TRDN: variants seen among roughly 807,000 people sequenced by gnomAD.
TRDN encodes triadin in skeletal muscle.
TRDN carries 161 observed loss-of-function variants against 149.7 expected under a neutral mutation model. The ratio of observed to expected loss-of-function variants is 1.08; its 90% CI spans 0.95 to 1.23. The LOEUF (loss-of-function observed/expected upper bound fraction) is 1.23. Ranked by LOEUF, TRDN falls within the 50% of genes most tolerant of loss-of-function variation. The pLI, the probability that TRDN is intolerant of heterozygous loss-of-function variation, is 0.00. For missense variants in TRDN, 896 were observed against 823.5 expected (o/e 1.09, Z -1.08); for synonymous variants, 294 against 250.5 (o/e 1.17, Z -1.64).
chr6:123,605,597 C>CA lies in TRDN; in HGVS notation c.22+31156dup, dbSNP rs35881822. Among the ~76,000 whole-genome samples the CA allele has an allele frequency of 8.1e-3, 1,009 of 123,964 alleles. 9 individuals carry two copies. Among genetic ancestry groups the CA allele is most frequent in the Non-Finnish European group, 9.9e-3 (570 of 57,576 alleles). 81.3% of individuals were successfully genotyped at this position (123,964 alleles called of 152,430 possible). A position where few individuals can be genotyped will look rare whatever the true frequency, so the allele number is the denominator to read the frequency against. On this transcript the variant is annotated intron_variant, in intron 1 of 40. Transcript: ENST00000334268. ...GGGCAATATGGCGAAACCCTCTCTA[C>CA]AAAAAAAAAAAAAAAATATTAGCCA...
At chr6:123,224,159 A>T (rs1775268956) in intron 38 of TRDN, 28 bp from the exon 39 acceptor site, 4 of 1,603,470 alleles carry the variant, frequency 2.5e-6, no homozygotes, top group African/African-American at 2.7e-5. Context: ...GGCACATAGA[A>T]TCACAGTCAA....
chr6:123,541,789 T>C (rs1291069995), intron 4 of TRDN, among the ~76,000 whole-genome samples: 1 of 152,140 alleles, frequency 6.6e-6, no homozygotes, highest in Non-Finnish European at 1.5e-5. Flanking sequence ...TCTCCTTCCT[T>C]TTTTCATGCA....
chr6:123,517,978 C>T (rs1779493034), intron 5 of TRDN, among the ~76,000 whole-genome samples: 1 of 152,068 alleles, frequency 6.6e-6, no homozygotes, highest in Non-Finnish European at 1.5e-5. Flanking sequence ...CACAAGGTCT[C>T]AGTCACATAG....
intron 24 of TRDN, among the ~76,000 whole-genome samples, chr6:123,306,268 C>A (rs762194517): frequency 6.6e-6 from 1 of 152,062 alleles, no homozygotes; most frequent in African/African-American, 2.4e-5. Flanking sequence ...TAAATGTGGC[C>A]TAAGTCTCTG....
intron 20 of TRDN, among the ~76,000 whole-genome samples, chr6:123,354,130 A>G (rs1434653769): frequency 6.6e-6 from 1 of 151,814 alleles, no homozygotes; most frequent in Non-Finnish European, 1.5e-5. Flanking sequence ...TTAGCCTGAA[A>G]TTATCAAATT....
chr6:123,487,207 G>A (rs937252041), intron 9 of TRDN, among the ~76,000 whole-genome samples: 1 of 151,878 alleles, frequency 6.6e-6, no homozygotes, highest in Non-Finnish European at 1.5e-5. Context: ...CTCCATTTCA[G>A]GTTATAAACA....
intron 27 of TRDN, 83 bp downstream of exon 27, chr6:123,274,558 A>G (rs1288649649): frequency 5.7e-6 from 7 of 1,234,690 alleles, no homozygotes; most frequent in Non-Finnish European, 5.7e-6. Flanking sequence ...ATGTCTCCCT[A>G]GTGAGATGTA....
At chr6:123,295,972 A>C (rs900253640) in intron 24 of TRDN, among the ~76,000 whole-genome samples, 5 of 149,030 alleles carry the variant, frequency 3.4e-5, no homozygotes, top group African/African-American at 1.2e-4. Context: ...CTCAAACAGA[A>C]AAAAAAAAAA....
At chr6:123,327,010 T>C (rs2114718652) in intron 23 of TRDN, among the ~76,000 whole-genome samples, 1 of 152,232 alleles carries the variant, frequency 6.6e-6, no homozygotes, top group African/African-American at 2.4e-5. Context: ...TATATTCTTC[T>C]CTATTTTCCT....
At chr6:123,571,487 ATGTTTTGTTTGTTTGTT>A (rs1782574920) in intron 1 of TRDN, among the ~76,000 whole-genome samples, 1 of 144,046 alleles carries the variant, frequency 6.9e-6, no homozygotes, top group African/African-American at 2.8e-5. Flanking sequence ...GAGGTCATTC[ATGTTTTGTTTGTTTGTT>A]TGTTTGTTTG....
At chr6:123,544,351 C>T (rs1250923635) in intron 4 of TRDN, among the ~76,000 whole-genome samples, 4 of 150,800 alleles carry the variant, frequency 2.7e-5, no homozygotes, top group Admixed American at 1.3e-4. Flanking sequence ...ACGTTGAATA[C>T]CACAAAGAAC....
intron 1 of TRDN, among the ~76,000 whole-genome samples, chr6:123,574,819 A>G (rs1782748085): frequency 6.8e-6 from 1 of 146,240 alleles, no homozygotes. Context: ...CATTGTAAAA[A>G]GGCTAAACAT....
chr6:123,560,203 C>A (rs1455529097), intron 2 of TRDN, among the ~76,000 whole-genome samples: 2 of 152,140 alleles, frequency 1.3e-5, no homozygotes, highest in African/African-American at 2.4e-5. Context: ...GTTCTCATAA[C>A]TTCCAAAATC....
intron 9 of TRDN, among the ~76,000 whole-genome samples, chr6:123,489,908 A>C (rs192957300): frequency 1.1e-3 from 164 of 152,170 alleles, no homozygotes; most frequent in African/African-American, 3.6e-3. Context: ...CCATTTTTAC[A>C]GCCTACTTTG....
At chr6:123,325,820 G>A (rs976960896) in intron 23 of TRDN, among the ~76,000 whole-genome samples, 12 of 152,038 alleles carry the variant, frequency 7.9e-5, no homozygotes, top group African/African-American at 2.9e-4. Context: ...AAGTCTCTGA[G>A]ACCAACTGTC....
chr6:123,279,480 T>C (rs546744466), intron 24 of TRDN, among the ~76,000 whole-genome samples: 20 of 152,236 alleles, frequency 1.3e-4, no homozygotes, highest in South Asian at 1.0e-3. Flanking sequence ...GTTTTAATTT[T>C]CTCTCTTTTT....
At chr6:123,556,284 A>G (rs1217294066) in intron 2 of TRDN, among the ~76,000 whole-genome samples, 2 of 152,210 alleles carry the variant, frequency 1.3e-5, no homozygotes, top group Non-Finnish European at 2.9e-5. Context: ...CACTTGAACA[A>G]TAAATCAAAA....
chr6:123,269,926 A>T (rs1010770727), intron 30 of TRDN, 60 bp from the exon 31 acceptor site: 1 of 1,520,164 alleles, frequency 6.6e-7, no homozygotes. Context: ...GGAAAAAATA[A>T]CTGTTTAGTA....
Position 123,233,879 on chromosome 6 carries a change from G to A in TRDN, c.1976-9748C>T, listed in dbSNP as rs1210328378. ...ATAATTGAAATCTGTCCCTTGCTAG[G>A]GGAGTAACCCATTGTCATTACATAA... is the stretch of plus-strand genomic sequence containing the variant. On this transcript the variant is annotated intron_variant, in intron 38 of 40. Transcript: ENST00000334268. Among the ~76,000 whole-genome samples, 5 of 151,640 alleles carry A rather than the reference G, an allele frequency of 3.3e-5. No individual in the cohort carries two copies. The East Asian group carries it at 9.7e-4, about 29-fold the overall frequency.
Sources: gnomAD v4.1 joint callset for allele counts (sites outside exome capture counted in the v4.1 genomes callset) on GRCh38, gnomAD v4.1.1 for gene constraint, MANE v1.5 for transcripts, NCBI Gene and HGNC (gene_info 2026-07-23, HGNC 2026-07-21) for gene names.